The following GRM5 variants were observed in gnomAD, a reference collection of about 807,000 sequenced individuals.
The protein encoded by GRM5 is metabotropic glutamate receptor 5.
A neutral mutation model predicts 83.1 loss-of-function variants in GRM5; 19 were observed. The observed-to-expected ratio is 0.23, with a 90% CI of 0.16 to 0.34. The LOEUF is 0.34. Ranked by LOEUF, GRM5 falls within the 10% of genes least tolerant of loss-of-function variation. The pLI, the probability that GRM5 is intolerant of heterozygous loss-of-function variation, is 1.00. For synonymous variants in GRM5, 675 were observed against 633.6 expected, an observed-to-expected ratio of 1.07 and a Z score of -0.98; for missense variants, 1,160 against 1,588.3, an observed-to-expected ratio of 0.73 and a Z score of 4.58.
At chr11:88,794,391 T>C (rs1943235701) in intron 3 of GRM5, among the ~76,000 whole-genome samples, 3 of 152,202 alleles carry the variant, frequency 2.0e-5, no homozygotes, top group Admixed American at 1.3e-4. Context: ...TTATTTACCA[T>C]GGCTTAAAAT....
chr11:88,832,948 G>T (rs1007503909), intron 3 of GRM5, among the ~76,000 whole-genome samples: 2 of 152,034 alleles, frequency 1.3e-5, no homozygotes, highest in African/African-American at 4.8e-5. Flanking sequence ...TAACTCTCAT[G>T]ATATATAAAA....
intron 3 of GRM5, among the ~76,000 whole-genome samples, chr11:88,769,070 C>G (rs1480827690): frequency 2.0e-5 from 3 of 152,042 alleles, no homozygotes; most frequent in African/African-American, 7.2e-5. Context: ...GTACTGCGCT[C>G]TAGTCAATAA....
At chr11:88,820,598 C>T (rs1300204982) in intron 3 of GRM5, among the ~76,000 whole-genome samples, 2 of 152,072 alleles carry the variant, frequency 1.3e-5, no homozygotes, top group African/African-American at 4.8e-5. Context: ...AATAGCTTTG[C>T]CTCTCAGAGC....
intron 7 of GRM5, among the ~76,000 whole-genome samples, chr11:88,578,338 CATA>C (rs1247890720): frequency 1.3e-5 from 2 of 152,100 alleles, no homozygotes; most frequent in African/African-American, 4.8e-5. Context: ...AGCACTGTAT[CATA>C]ATGTTTCTTG....
chr11:88,683,633 T>C (rs775872596), intron 3 of GRM5, among the ~76,000 whole-genome samples: 3 of 152,212 alleles, frequency 2.0e-5, no homozygotes, highest in Non-Finnish European at 4.4e-5. Flanking sequence ...AATTAATTTA[T>C]AGTTGGTAGT....
rs71046265 is a variant in GRM5, at chr11:88,845,423, C to CTTTTTTTTTTTTT, written c.911+4470_911+4482dup. Among the ~76,000 whole-genome samples the CTTTTTTTTTTTTT allele has an allele frequency of 6.5e-4, 60 of 92,440 alleles. 11 individuals are homozygous for CTTTTTTTTTTTTT. The highest frequency in any genetic ancestry group is 8.0e-4 in the Non-Finnish European group (40 of 49,844). 60.6% of individuals were successfully genotyped at this position (92,440 alleles called of 152,430 possible). ...AGGCTACAGTACAGTATAAACATAA[C>CTTTTTTTTTTTTT]TTTTTTTTTTTTTTTTTTTTTTTTT... On this transcript the variant is annotated intron_variant, in intron 3 of 9. Coordinates refer to ENST00000305447, the MANE Select transcript of GRM5 (RefSeq NM_001143831.3).
intron 3 of GRM5, among the ~76,000 whole-genome samples, chr11:88,757,559 GCCCACCAGTGTCTCACC>G (rs538829452): frequency 7.9e-4 from 120 of 152,068 alleles, no homozygotes; most frequent in Middle Eastern, 3.4e-3. Flanking sequence ...ACAGACTTGT[GCCCACCAGTGTCTCACC>G]CCCATCAATG....
At chr11:88,905,007 A>G (rs562736276) in intron 2 of GRM5, among the ~76,000 whole-genome samples, 2 of 152,284 alleles carry the variant, frequency 1.3e-5, no homozygotes, top group East Asian at 3.9e-4. Flanking sequence ...ATATATGATT[A>G]TGCTGCCGAA....
intron 3 of GRM5, among the ~76,000 whole-genome samples, chr11:88,791,511 T>TA (rs1565232505): frequency 6.6e-6 from 1 of 152,174 alleles, no homozygotes; most frequent in African/African-American, 2.4e-5. Flanking sequence ...AGAAAACTAA[T>TA]AGATGCAAGT....
chr11:88,515,403 G>A (rs1941494091), intron 9 of GRM5, among the ~76,000 whole-genome samples: 1 of 152,130 alleles, frequency 6.6e-6, no homozygotes, highest in Non-Finnish European at 1.5e-5. Flanking sequence ...CAGCATTGTA[G>A]GGTGAATATA....
intron 3 of GRM5, among the ~76,000 whole-genome samples, chr11:88,656,724 C>T (rs2135311427): frequency 6.6e-6 from 1 of 152,094 alleles, no homozygotes; most frequent in Admixed American, 6.6e-5. Context: ...CCCTTCATAA[C>T]TGTGGGTTCC....
chr11:88,851,070 C>A (rs1944382326), intron 2 of GRM5, among the ~76,000 whole-genome samples: 2 of 152,116 alleles, frequency 1.3e-5, no homozygotes, highest in South Asian at 4.1e-4. Context: ...GGGCTGAACT[C>A]ATTCACAGAT....
At chr11:88,920,429 CCAAAAAAA>C (rs1945670581) in intron 2 of GRM5, among the ~76,000 whole-genome samples, 1 of 1,440 alleles carries the variant, frequency 6.9e-4, no homozygotes, top group Non-Finnish European at 2.0e-3. Context: ...AAAAAAAAAA[CCAAAAAAA>C]AAAAAACCTC....
In GRM5 at chr11:88,910,793, T is replaced by C. The variant is rs564606082; in HGVS notation, c.662-60638A>G. Among the ~76,000 whole-genome samples, 3 of 152,156 alleles carry C rather than the reference T, an allele frequency of 2.0e-5. No individual in the cohort carries two copies. The East Asian group carries it at 5.8e-4, about 29-fold the overall frequency. ...TAGGTGAAATGTCTATTCACGTCAA[T>C]ATATAGCCATAGAAATGGGCTCAAT... On this transcript the variant is annotated intron_variant, in intron 2 of 9. Transcript: ENST00000305447.
At chr11:88,864,021 T>A (rs1508700) in intron 2 of GRM5, among the ~76,000 whole-genome samples, 62,018 of 149,144 alleles carry the variant, frequency 0.42, 13,028 homozygotes, top group East Asian at 0.57. Context: ...TGGAAAATAC[T>A]GTCATTTCTG....
intron 3 of GRM5, among the ~76,000 whole-genome samples, chr11:88,755,435 C>G (rs61412937): frequency 2.1e-4 from 32 of 152,170 alleles, no homozygotes; most frequent in African/African-American, 7.2e-4. Context: ...AGTTTTTAAT[C>G]ATATGGTAGG....
intron 3 of GRM5, among the ~76,000 whole-genome samples, chr11:88,838,896 CACACACACAT>C (rs1177683601): frequency 3.3e-5 from 5 of 151,940 alleles, no homozygotes; most frequent in East Asian, 3.9e-4. Context: ...CACACACACA[CACACACACAT>C]ACACACACAA....
chr11:88,525,161 AAC>A (rs1226870800), intron 9 of GRM5, 146 bp downstream of exon 9: 2 of 643,074 alleles, frequency 3.1e-6, no homozygotes, highest in Non-Finnish European at 5.6e-6. Context: ...TTGCAAATCA[AAC>A]ACACATAGAA....
intron 3 of GRM5, among the ~76,000 whole-genome samples, chr11:88,773,158 G>A (rs568745667): frequency 4.6e-5 from 7 of 152,242 alleles, no homozygotes; most frequent in South Asian, 2.1e-4. Flanking sequence ...GGCATGAGAT[G>A]GTATCTCATT....
Sources: allele counts gnomAD v4.1 joint callset (sites outside exome capture counted in the v4.1 genomes callset), GRCh38; gene constraint gnomAD v4.1.1; transcripts MANE v1.5; gene names NCBI Gene and HGNC (gene_info 2026-07-23, HGNC 2026-07-21).